Variants in ZBTB40 observed in about 807,000 individuals in gnomAD.
The protein encoded by ZBTB40 is zinc finger and BTB domain containing 40.
A neutral mutation model predicts 117.5 loss-of-function variants in ZBTB40; 60 were observed. The ratio of observed to expected loss-of-function variants is 0.51; its 90% CI spans 0.41 to 0.63. The LOEUF (loss-of-function observed/expected upper bound fraction) is 0.63. Ranked by LOEUF, ZBTB40 falls within the 30% of genes least tolerant of loss-of-function variation. ZBTB40 has a pLI of 0.00. For missense variants in ZBTB40, 1,287 were observed against 1,498.5 expected, an observed-to-expected ratio of 0.86 and a Z score of 2.33; for synonymous variants, 525 against 577.1, an observed-to-expected ratio of 0.91 and a Z score of 1.29.
chr1:22,443,644 T>A (rs1640757898), intron 1 of ZBTB40, among the ~76,000 whole-genome samples: 1 of 152,258 alleles, frequency 6.6e-6, no homozygotes, highest in Non-Finnish European at 1.5e-5. Context: ...AAATCTCTCC[T>A]GGATCCGGAA....
intron 1 of ZBTB40, among the ~76,000 whole-genome samples, chr1:22,482,892 C>T (rs1031205963): frequency 2.0e-5 from 3 of 152,066 alleles, no homozygotes; most frequent in African/African-American, 7.2e-5. Flanking sequence ...TCCTGGCTAA[C>T]ACAGTGAAAC....
Position 22,523,966 on chromosome 1 carries a change from G to T in ZBTB40, c.3299-252G>T, listed in dbSNP as rs114597535. On this transcript the variant is annotated intron_variant, in intron 16 of 17. Coordinates refer to ENST00000375647, the MANE Select transcript of ZBTB40 (RefSeq NM_014870.4). ...GCAGAGGCAGATTTGGCCTGAATCT[G>T]ATACTAATGAAACTGTCATCTCAGG... Among the ~76,000 whole-genome samples the T allele has an allele frequency of 1.8e-3, 271 of 152,316 alleles. 2 individuals carry two copies. The highest frequency in any genetic ancestry group is 6.3e-3 in the African/African-American group (263 of 41,572).
intron 13 of ZBTB40, chr1:22,519,687 C>A: frequency 3.0e-6 from 1 of 337,392 alleles, no homozygotes; most frequent in Non-Finnish European, 5.8e-6. Context: ...GCTGGAAATC[C>A]TCTACAGAGA....
intron 1 of ZBTB40, 96 bp downstream of exon 1, chr1:22,452,100 C>A (rs1364010758): frequency 6.6e-6 from 1 of 152,376 alleles, no homozygotes; most frequent in Non-Finnish European, 1.5e-5. Context: ...CAGACCCTTC[C>A]GCGTGGCGAA....
intron 1 of ZBTB40, among the ~76,000 whole-genome samples, chr1:22,463,988 A>G (rs1641193189): frequency 6.6e-6 from 1 of 152,246 alleles, no homozygotes; most frequent in South Asian, 2.1e-4. Context: ...AATCTTCTCC[A>G]TGTCTCTATC....
intron 1 of ZBTB40, among the ~76,000 whole-genome samples, chr1:22,467,149 C>T (rs1489000989): frequency 6.6e-6 from 1 of 151,984 alleles, no homozygotes; most frequent in Non-Finnish European, 1.5e-5. Flanking sequence ...CTGATAGATT[C>T]CTAGAAGTGA....
chr1:22,431,382 G>GTATATA lies in ZBTB40; in HGVS notation c.-70+2369_-70+2370insATATAT, dbSNP rs1308135309. Among the ~76,000 whole-genome samples the GTATATA allele has an allele frequency of 8.0e-3, 124 of 15,494 alleles. 1 individual carries two copies. Among genetic ancestry groups the GTATATA allele is most frequent in the Admixed American group, 0.017 (16 of 942 alleles). The allele number at this position is 15,494 out of a possible 152,430, so 10.2% of individuals were successfully genotyped here. On this transcript the variant is annotated intron_variant, in intron 1 of 8. Transcript: ENST00000650433. Reference sequence around the variant, plus strand: ...ATATTTTGTGTGTGTGTGTGTGTGTGTGTATATATATATATATATATATAT... The same window carrying GTATATA: ...ATATTTTGTGTGTGTGTGTGTGTGTGTATATATGTATATATATATATATATATATAT...
In ZBTB40 at chr1:22,509,176, G is replaced by C; in HGVS notation, c.1776G>C (p.Lys592Asn). 3 of 1,614,148 alleles carry C rather than the reference G, an allele frequency of 1.9e-6. No homozygotes were observed. Among genetic ancestry groups the C allele is most frequent in the Middle Eastern group, 1.6e-4 (1 of 6,062 alleles). Reference sequence around the variant, plus strand: ...TGATCTTGGAGGCCATCCAACAGAAGATTGAGTACAAGCTCTTTACCTCGG... The same window carrying C: ...TGATCTTGGAGGCCATCCAACAGAACATTGAGTACAAGCTCTTTACCTCGG... ...NQLILEAIQQ[K>N]IEYKLFTSEE... Residue 592 changes from lysine to asparagine, a missense_variant, in exon 9 of 18, where the codon AAG (lysine) becomes AAC (asparagine). By Grantham distance (94) the Lys-to-Asn change is moderately conservative (BLOSUM62 0). This residue lies in a region of ZBTB40 where 870 missense variants were observed against 934.4 expected (regional missense o/e 0.93). Coordinates refer to ENST00000375647, the MANE Select transcript of ZBTB40 (RefSeq NM_014870.4).
chr1:22,429,609 C>T (rs2124356294), intron 1 of ZBTB40, among the ~76,000 whole-genome samples: 1 of 152,230 alleles, frequency 6.6e-6, no homozygotes, highest in Admixed American at 6.5e-5. Context: ...TACCGGGTTC[C>T]CAGTACCACA....
At chr1:22,524,479 A>ATTT in intron 17 of ZBTB40, 35 bp downstream of exon 17, 2 of 1,602,582 alleles carry the variant, frequency 1.2e-6, no homozygotes, top group Non-Finnish European at 1.7e-6. Context: ...TTAGAATGCT[A>ATTT]ATGCATGGTT....
upstream of ZBTB40, among the ~76,000 whole-genome samples, chr1:22,451,023 G>T (rs1316598806): frequency 6.6e-6 from 1 of 152,150 alleles, no homozygotes; most frequent in Non-Finnish European, 1.5e-5. Flanking sequence ...TGTAAGGAAG[G>T]GTGGCAAGGG....
At chr1:22,525,332 G>A (rs1166875541) in intron 17 of ZBTB40, among the ~76,000 whole-genome samples, 2 of 152,244 alleles carry the variant, frequency 1.3e-5, no homozygotes, top group Non-Finnish European at 2.9e-5. Flanking sequence ...CTGGATCATT[G>A]TTGATTGAAC....
intron 1 of ZBTB40, among the ~76,000 whole-genome samples, chr1:22,470,274 T>C (rs1024796228): frequency 1.3e-5 from 2 of 152,262 alleles, no homozygotes; most frequent in African/African-American, 4.8e-5. Context: ...CTGACTGTTA[T>C]CCTTCTGATA....
chr1:22,437,920 CG>C (rs1212764882), intron 1 of ZBTB40, among the ~76,000 whole-genome samples: 1 of 151,530 alleles, frequency 6.6e-6, no homozygotes, highest in African/African-American at 2.4e-5. Flanking sequence ...GTCTCAAGGT[CG>C]GGAGTTCGAG....
In ZBTB40 at chr1:22,520,152, A is replaced by C; in HGVS notation, c.2925A>C (p.Lys975Asn). ...HRKHIHEVHS[K>N]EYHPCPTCGK... is the part of the protein sequence containing the mutation. ...AGCACATCCATGAGGTGCACTCCAAAGAGTACCACCCCTGCCCCACGTGTG... is the reference window on the plus strand; with the variant it reads ...AGCACATCCATGAGGTGCACTCCAACGAGTACCACCCCTGCCCCACGTGTG... Residue 975 changes from lysine (K) to asparagine (N), a missense_variant, in exon 14 of 18, where the codon AAA (lysine) becomes AAC (asparagine). Physicochemically the swap from Lys to Asn is moderately conservative, Grantham distance 94 (BLOSUM62 0). Around this residue, in one of 2 missense-constraint regions of ZBTB40, gnomAD observed 417 missense variants for 564.1 expected, o/e 0.74. Transcript: ENST00000375647. 2 of 1,614,180 alleles carry C rather than the reference A, an allele frequency of 1.2e-6. No homozygotes were observed. The highest frequency in any genetic ancestry group is 2.2e-5 in the South Asian group (2 of 91,072).
chr1:22,438,177 C>T (rs1640694415), intron 1 of ZBTB40, among the ~76,000 whole-genome samples: 1 of 152,042 alleles, frequency 6.6e-6, no homozygotes, highest in Non-Finnish European at 1.5e-5. Context: ...AACAATAACT[C>T]CCCATGTCCC....
chr1:22,487,783 A>C lies in ZBTB40; in HGVS notation c.-69-2097A>C, dbSNP rs77005730. Among the ~76,000 whole-genome samples the C allele has an allele frequency of 9.2e-4, 140 of 152,264 alleles. 3 individuals are homozygous for C. In the East Asian group the frequency reaches 0.024, roughly 26 times the overall value. ...ATCTGACCACATGACTTTGCTGCTT[A>C]AAGCCTTTCAAATGCCTCAATGGCT... On this transcript the variant is annotated intron_variant, in intron 1 of 17. Transcript: ENST00000375647.
chr1:22,511,095 T>G, intron 9 of ZBTB40, 84 bp from the exon 10 acceptor site: 6 of 306,912 alleles, frequency 2.0e-5, no homozygotes, highest in Non-Finnish European at 2.9e-5. Flanking sequence ...GGGATTAGCT[T>G]TTTTTTTTTT....
intron 1 of ZBTB40, among the ~76,000 whole-genome samples, chr1:22,479,982 C>G (rs1346102671): frequency 1.3e-5 from 2 of 152,288 alleles, no homozygotes; most frequent in East Asian, 3.9e-4. Flanking sequence ...TGTCAGCTCA[C>G]TGCAACCTCC....
Sources: allele counts gnomAD v4.1 joint callset (sites outside exome capture counted in the v4.1 genomes callset), GRCh38; gene constraint gnomAD v4.1.1; regional missense constraint gnomAD v4.1.1; transcripts MANE v1.5; gene names NCBI Gene and HGNC (gene_info 2026-07-23, HGNC 2026-07-21).